Variants in TMEM74B observed in about 807,000 individuals in gnomAD.
TMEM74B encodes transmembrane protein C20orf46.
In TMEM74B, 7 loss-of-function variants were observed where a neutral mutation model predicts 6.5. The observed-to-expected ratio is 1.07, with a 90% CI of 0.61 to 2.01. The LOEUF (loss-of-function observed/expected upper bound fraction) is 2.01, where lower values mean the gene tolerates loss of function less well. Ranked by LOEUF, TMEM74B falls within the 30% of genes most tolerant of loss-of-function variation. TMEM74B has a pLI of 0.00. For synonymous variants in TMEM74B, 151 were observed against 151.6 expected (o/e 1.00, Z 0.03); for missense variants, 342 against 337.0 (o/e 1.01, Z -0.12).
Position 1,184,499 on chromosome 20 carries a change from A to G in TMEM74B, c.-345T>C, listed in dbSNP as rs2086962841. 6.6e-6 allele frequency: 1 copy of G among 152,468 alleles called. No individual in the cohort carries two copies. The highest frequency in any genetic ancestry group is 1.5e-5 in the Non-Finnish European group (1 of 68,204). The allele number at this position is 152,468 out of a possible 1,614,324, so 9.4% of individuals were successfully genotyped here. A position where few individuals can be genotyped will look rare whatever the true frequency, so the allele number is the denominator to read the frequency against. ...AGACAGGTCCTGAAAGGAACACTCC[A>G]GTTCCACACACACTCCCCCAGCAGC... On this transcript the variant is annotated 5_prime_UTR_variant, in exon 1 of 3. Transcript: ENST00000429036. This position sits in a 1 kb window ranked among gnomAD's most constrained non-coding sequence, Gnocchi z 6.0.
At chr20:1,186,425 C>T (rs1311175710), upstream of TMEM74B, 1 of 152,218 alleles carries the variant, frequency 6.6e-6, no homozygotes, top group Non-Finnish European at 1.5e-5. Flanking sequence ...ACGCCAACCC[C>T]AGAGACAGCT....
upstream of TMEM74B, chr20:1,186,643 C>T (rs561513845): frequency 4.9e-4 from 75 of 152,370 alleles, no homozygotes; most frequent in African/African-American, 1.8e-3. Flanking sequence ...TCCTCGGCCA[C>T]CTCATGAGCG....
In TMEM74B at chr20:1,180,736, T is replaced by A; in HGVS notation, c.*112A>T. 6.9e-7 allele frequency: 1 copy of A among 1,442,472 alleles called. No individual in the cohort carries two copies. Among genetic ancestry groups the A allele is most frequent in the Non-Finnish European group, 9.2e-7 (1 of 1,081,350 alleles). 89.4% of individuals were successfully genotyped at this position (1,442,472 alleles called of 1,614,324 possible). On this transcript the variant is annotated 3_prime_UTR_variant, in exon 3 of 3. Coordinates refer to ENST00000429036, the MANE Select transcript of TMEM74B (RefSeq NM_001304748.2). The surrounding 1 kb of genome is among the most constrained non-coding windows in gnomAD (Gnocchi z 6.1). ...ACCCAGTACTTCTTCCACAAGGCCC[T>A]ATGTGAGCTCAGTTTAAAACCCCAG...
chr20:1,185,442 C>T (rs1047734161), upstream of TMEM74B: 2 of 118,750 alleles, frequency 1.7e-5, no homozygotes, highest in African/African-American at 3.0e-5. Context: ...GCTGGGGAGG[C>T]GGGGGGGGGA....
intron 2 of TMEM74B, 26 bp downstream of exon 2, chr20:1,183,745 C>G (rs761733584): frequency 6.2e-7 from 1 of 1,613,604 alleles, no homozygotes. Context: ...ATGCAGATTC[C>G]CTAAGAATTA....
intron 2 of TMEM74B, among the ~76,000 whole-genome samples, chr20:1,183,226 C>G (rs2122675401): frequency 6.6e-6 from 1 of 152,280 alleles, no homozygotes; most frequent in African/African-American, 2.4e-5. Flanking sequence ...CATACATGCA[C>G]ACACACACGA....
chr20:1,185,969 C>T (rs2087015279), upstream of TMEM74B: 1 of 152,398 alleles, frequency 6.6e-6, no homozygotes, highest in South Asian at 2.1e-4. Flanking sequence ...ATCCCCCTCC[C>T]CCTTTTCTCT....
intron 2 of TMEM74B, among the ~76,000 whole-genome samples, chr20:1,182,577 T>G (rs550046043): frequency 1.3e-5 from 2 of 150,700 alleles, no homozygotes; most frequent in East Asian, 3.9e-4. Flanking sequence ...TGGAGAGCCA[T>G]GACTAGGTCA....
upstream of TMEM74B, among the ~76,000 whole-genome samples, chr20:1,187,216 C>A (rs2087033277): frequency 6.6e-6 from 1 of 152,184 alleles, no homozygotes; most frequent in Non-Finnish European, 1.5e-5. Flanking sequence ...ACTCTTTACT[C>A]CCTCACTCTG....
upstream of TMEM74B, among the ~76,000 whole-genome samples, chr20:1,187,299 G>A (rs984766638): frequency 6.6e-6 from 1 of 152,132 alleles, no homozygotes; most frequent in Non-Finnish European, 1.5e-5. Flanking sequence ...TAAAAAATAA[G>A]TGCCAAAAGA....
rs967198851 is a variant in TMEM74B, at chr20:1,181,894, A to G, written c.32-307T>C. On this transcript the variant is annotated intron_variant, in intron 2 of 2. Coordinates refer to ENST00000429036, the MANE Select transcript of TMEM74B (RefSeq NM_001304748.2). This position sits in a 1 kb window ranked among gnomAD's most constrained non-coding sequence, Gnocchi z 4.9. ...TTCGCAAAGCTGGAGTAGGATTGAG[A>G]TAACCTATACGAAGTACTCAGAACA... 3.3e-5 allele frequency among the ~76,000 whole-genome samples: 5 copies of G among 152,206 alleles called. No homozygotes were observed. Among genetic ancestry groups the G allele is most frequent in the African/African-American group, 9.7e-5 (4 of 41,442 alleles).
Position 1,180,895 on chromosome 20 carries a change from C to A in TMEM74B, c.724G>T (p.Glu242Ter). Residue 242 changes from glutamate to a stop codon, truncating the protein, a stop_gained, in exon 3 of 3, where the codon GAA becomes TAA. Transcript: ENST00000429036. LOFTEE classifies it high-confidence loss of function. This position sits in a 1 kb window ranked among gnomAD's most constrained non-coding sequence, Gnocchi z 6.1. Reference protein sequence around the residue: ...GDGGQALVENEVVQVSETSHT... With the variant: ...GDGGQALVEN The stretch of plus-strand genomic sequence containing the variant: ...CTAGTCTCTGAGACCTGGACAACTT[C>A]ATTCTCCACCAGGGCCTGGCCCCCA... 6.2e-7 allele frequency: 1 copy of A among 1,610,826 alleles called. No individual in the cohort carries two copies. The highest frequency in any genetic ancestry group is 8.5e-7 in the Non-Finnish European group (1 of 1,178,010).
upstream of TMEM74B, among the ~76,000 whole-genome samples, chr20:1,188,908 C>G (rs1300416013): frequency 6.8e-6 from 1 of 147,474 alleles, no homozygotes; most frequent in Non-Finnish European, 1.5e-5. Flanking sequence ...AGGAGGGGAA[C>G]TGTAACTCCC....
At chr20:1,182,207 T>G (rs1168134786) in intron 2 of TMEM74B, among the ~76,000 whole-genome samples, 2 of 151,356 alleles carry the variant, frequency 1.3e-5, no homozygotes, top group African/African-American at 2.4e-5. Flanking sequence ...GGGGTAGAAA[T>G]GCAGAAGTTG....
chr20:1,185,502 C>A (rs1458236530), upstream of TMEM74B: 1 of 150,626 alleles, frequency 6.6e-6, no homozygotes, highest in Non-Finnish European at 1.5e-5. Context: ...GCTCGCCGAG[C>A]GCCGCGGAGG....
At chr20:1,183,478 T>C (rs140608617) in intron 2 of TMEM74B, among the ~76,000 whole-genome samples, 4 of 152,268 alleles carry the variant, frequency 2.6e-5, no homozygotes, top group African/African-American at 4.8e-5. Flanking sequence ...TCTTAGCACA[T>C]ATAGGGCCTT....
intron 2 of TMEM74B, among the ~76,000 whole-genome samples, chr20:1,182,620 G>C (rs2086902043): frequency 6.6e-6 from 1 of 152,082 alleles, no homozygotes; most frequent in South Asian, 2.1e-4. Context: ...CAGAAGTGTG[G>C]GGACCTGGAC....
upstream of TMEM74B, chr20:1,186,008 G>C (rs2087015980): frequency 6.6e-6 from 1 of 152,210 alleles, no homozygotes; most frequent in Admixed American, 6.5e-5. Flanking sequence ...GGACAGTGGA[G>C]TGCTCCGCCC....
chr20:1,180,572 C>T lies in TMEM74B; in HGVS notation c.*276G>A, dbSNP rs191134422. On this transcript the variant is annotated 3_prime_UTR_variant, in exon 3 of 3. Transcript: ENST00000429036. This position sits in a 1 kb window ranked among gnomAD's most constrained non-coding sequence, Gnocchi z 6.1. ...AAGAAACCTCATCCTCCAAGAGCAG[C>T]GGTTTCCAAACTTTTGTATTTTTAG... The T allele has an allele frequency of 1.1e-3, 393 of 361,274 alleles. 1 individual carries two copies. The highest frequency in any genetic ancestry group is 1.6e-3 in the Non-Finnish European group (330 of 203,082). 22.4% of individuals were successfully genotyped at this position (361,274 alleles called of 1,614,324 possible). A position where few individuals can be genotyped will look rare whatever the true frequency, so the allele number is the denominator to read the frequency against.
Sources: gnomAD v4.1 joint callset for allele counts (sites outside exome capture counted in the v4.1 genomes callset) on GRCh38, gnomAD v4.1.1 for gene constraint, Gnocchi (gnomAD v3.1) non-coding constraint, MANE v1.5 for transcripts, NCBI Gene and HGNC (gene_info 2026-07-23, HGNC 2026-07-21) for gene names.